The following ARMH1 variants were observed in gnomAD, a reference collection of about 807,000 sequenced individuals.
ARMH1 encodes the protein armadillo like helical domain containing 1, also known as armadillo-like helical domain containing protein 1.
In ARMH1, 34 loss-of-function variants were observed where a neutral mutation model predicts 50.2. That is an observed-to-expected ratio of 0.68 (90% confidence interval 0.51 to 0.90). ARMH1 has a LOEUF of 0.90. ARMH1 is among the 40% of genes least tolerant of loss of function. ARMH1 has a pLI of 0.00. For missense variants in ARMH1, 538 were observed against 553.9 expected, an observed-to-expected ratio of 0.97 and a Z score of 0.29; for synonymous variants, 221 against 224.2, an observed-to-expected ratio of 0.99 and a Z score of 0.13.
intron 2 of ARMH1, among the ~76,000 whole-genome samples, chr1:44,691,082 AC>A (rs1645644846): frequency 6.6e-6 from 1 of 150,890 alleles, no homozygotes; most frequent in Admixed American, 6.6e-5. Flanking sequence ...AACAAGGGAA[AC>A]CCCGTCTCTA....
At chr1:44,692,380 A>G (rs1257701841) in intron 2 of ARMH1, among the ~76,000 whole-genome samples, 3 of 152,128 alleles carry the variant, frequency 2.0e-5, no homozygotes, top group African/African-American at 7.2e-5. Context: ...TTCCCTTCTT[A>G]TATATATTCA....
chr1:44,724,172 C>T lies in ARMH1; in HGVS notation c.775C>T (p.Leu259Phe). 3.2e-6 allele frequency: 5 copies of T among 1,551,704 alleles called. No homozygotes were observed. Among genetic ancestry groups the T allele is most frequent in the Non-Finnish European group, 3.5e-6 (4 of 1,146,954 alleles). Residue 259 changes from leucine to phenylalanine, a missense_variant, in exon 7 of 12, where the codon CTC becomes TTC. Transcript: ENST00000535358. This position sits in a 1 kb window ranked among gnomAD's most constrained non-coding sequence, Gnocchi z 6.4. Reference protein sequence around the residue: ...LVGYDVRQALLKGLVALLIPS... With the variant: ...LVGYDVRQALFKGLVALLIPS... ...CGGTTACGATGTGCGCCAGGCGCTG[C>T]TCAAGGGCCTCGTGGCGCTGCTGAT... is the stretch of plus-strand genomic sequence containing the variant.
intron 2 of ARMH1, among the ~76,000 whole-genome samples, chr1:44,693,390 A>G (rs138555419): frequency 6.6e-6 from 1 of 152,324 alleles, no homozygotes; most frequent in East Asian, 1.9e-4. Flanking sequence ...GTACAGGTGC[A>G]GGGTCAGATC....
intron 6 of ARMH1, among the ~76,000 whole-genome samples, chr1:44,715,518 A>G (rs1646814818): frequency 6.6e-6 from 1 of 152,170 alleles, no homozygotes; most frequent in Non-Finnish European, 1.5e-5. Context: ...CTCCTGCACC[A>G]TTAAAGAGTT....
chr1:44,709,176 GA>G (rs1410825882), intron 6 of ARMH1, among the ~76,000 whole-genome samples: 1 of 151,972 alleles, frequency 6.6e-6, no homozygotes, highest in Non-Finnish European at 1.5e-5. Flanking sequence ...TGGCTTCTGT[GA>G]TAGAAGTTTT....
chr1:44,703,459 A>C (rs1054758841), intron 5 of ARMH1, among the ~76,000 whole-genome samples: 1 of 151,576 alleles, frequency 6.6e-6, no homozygotes, highest in Admixed American at 6.6e-5. Flanking sequence ...ACAGTGGCTC[A>C]TGCCTGTAAT....
chr1:44,694,777 A>C (rs908051333), intron 2 of ARMH1, among the ~76,000 whole-genome samples: 1 of 152,044 alleles, frequency 6.6e-6, no homozygotes, highest in Non-Finnish European at 1.5e-5. Flanking sequence ...TGGGATCCCA[A>C]AGTGCTGGGA....
intron 5 of ARMH1, among the ~76,000 whole-genome samples, chr1:44,702,573 G>C (rs542821979): frequency 9.9e-5 from 15 of 151,924 alleles, no homozygotes; most frequent in African/African-American, 2.9e-4. Context: ...TTAGCTGGGC[G>C]TGGTGGTGTG....
chr1:44,679,805 G>C (rs1016851531), intron 1 of ARMH1, among the ~76,000 whole-genome samples: 8 of 152,254 alleles, frequency 5.3e-5, no homozygotes, highest in African/African-American at 1.9e-4. Context: ...GGAGCTGGGT[G>C]ATTTCTTCAC....
intron 2 of ARMH1, among the ~76,000 whole-genome samples, chr1:44,694,832 G>A (rs922233098): frequency 6.6e-6 from 1 of 152,040 alleles, no homozygotes; most frequent in African/African-American, 2.4e-5. Context: ...GTCTTTTTAT[G>A]TTCTAGGCAC....
At chr1:44,684,284 C>T (rs1352759777) in intron 1 of ARMH1, 1 of 152,108 alleles carries the variant, frequency 6.6e-6, no homozygotes, top group Non-Finnish European at 1.5e-5. Flanking sequence ...TTTTTACCCT[C>T]ATCAAGCTTA....
Position 44,699,933 on chromosome 1 carries a change from G to A in ARMH1, c.443-990G>A, listed in dbSNP as rs903471699. ...CAACCTCCACCTCCCGGGTTCAAGC[G>A]ATTCTCCTGCCTCAGCCTCCCCAGT... is the stretch of plus-strand genomic sequence containing the variant. On this transcript the variant is annotated intron_variant, in intron 4 of 11. Coordinates refer to ENST00000535358, the MANE Select transcript of ARMH1 (RefSeq NM_001145636.2). 3.7e-4 allele frequency among the ~76,000 whole-genome samples: 56 copies of A among 151,232 alleles called. 1 individual carries two copies. The highest frequency in any genetic ancestry group is 3.6e-3 in the Admixed American group (55 of 15,144).
chr1:44,705,869 G>C (rs1435017146), intron 6 of ARMH1, among the ~76,000 whole-genome samples: 3 of 152,168 alleles, frequency 2.0e-5, no homozygotes, highest in Non-Finnish European at 1.5e-5. Context: ...GTGGAGAATA[G>C]GGAGGATTTG....
Position 44,698,097 on chromosome 1 carries a change from G to C in ARMH1, c.310G>C (p.Gly104Arg). Residue 104 changes from glycine (G) to arginine (R), a missense_variant, in exon 4 of 12, where the codon GGT becomes CGT. Gly to Arg is a moderately radical substitution (Grantham distance 125). Transcript: ENST00000535358. ...CCTTATAGAATTTCTTGAGGTTGGA[G>C]GTGTCCTAACCCTCTTGGAAATACT... ...RYLIEFLEVG[G>R]VLTLLEILGL... The C allele has an allele frequency of 6.4e-7, 1 of 1,551,492 alleles. No homozygotes were observed. Among genetic ancestry groups the C allele is most frequent in the Non-Finnish European group, 8.7e-7 (1 of 1,146,634 alleles).
chr1:44,720,943 A>G (rs1647082210), intron 6 of ARMH1, among the ~76,000 whole-genome samples: 1 of 152,176 alleles, frequency 6.6e-6, no homozygotes, highest in Admixed American at 6.6e-5. Context: ...AGGCTGAGGC[A>G]GGAGAATCCC....
At chr1:44,699,159 C>T (rs571996048) in intron 4 of ARMH1, among the ~76,000 whole-genome samples, 1 of 151,862 alleles carries the variant, frequency 6.6e-6, no homozygotes, top group South Asian at 2.1e-4. Context: ...TGGCACGCAC[C>T]TGTAATGGCA....
intron 3 of ARMH1, among the ~76,000 whole-genome samples, chr1:44,697,567 TCTC>T (rs1645868986): frequency 1.3e-5 from 2 of 152,148 alleles, no homozygotes; most frequent in African/African-American, 2.4e-5. Context: ...TTCTGTCTCT[TCTC>T]CTCTGTGTTC....
intron 2 of ARMH1, among the ~76,000 whole-genome samples, chr1:44,692,290 A>G (rs550431433): frequency 6.6e-6 from 1 of 151,854 alleles, no homozygotes; most frequent in Admixed American, 6.6e-5. Flanking sequence ...TATTTGACCA[A>G]CTCCTACTCT....
intron 2 of ARMH1, among the ~76,000 whole-genome samples, chr1:44,696,273 C>G (rs188742241): frequency 6.6e-6 from 1 of 152,378 alleles, no homozygotes; most frequent in East Asian, 1.9e-4. Context: ...TAATTTGCTT[C>G]ACACACCCCC....
Sources: allele counts gnomAD v4.1 joint callset (sites outside exome capture counted in the v4.1 genomes callset), GRCh38; gene constraint gnomAD v4.1.1; non-coding constraint Gnocchi (gnomAD v3.1); transcripts MANE v1.5; gene names NCBI Gene and HGNC (gene_info 2026-07-23, HGNC 2026-07-21).